The following AKAP10 variants were observed in gnomAD, a reference collection of about 807,000 sequenced individuals.
The protein encoded by AKAP10 is A-kinase anchoring protein 10, also known as A-kinase anchor protein 10, mitochondrial.
In AKAP10, 24 loss-of-function variants were observed where a neutral mutation model predicts 80.8. The ratio of observed to expected loss-of-function variants is 0.30; its 90% CI spans 0.22 to 0.42. The LOEUF (loss-of-function observed/expected upper bound fraction) is 0.42, where lower values mean the gene tolerates loss of function less well. AKAP10 is among the 10% of genes least tolerant of loss of function. The pLI, the probability that AKAP10 is intolerant of heterozygous loss-of-function variation, is 1.00. For synonymous variants in AKAP10, 291 were observed against 277.7 expected, an observed-to-expected ratio of 1.05 and a Z score of -0.48; for missense variants, 661 against 794.9, an observed-to-expected ratio of 0.83 and a Z score of 2.03.
intron 4 of AKAP10, among the ~76,000 whole-genome samples, chr17:19,947,950 G>A (rs1307875224): frequency 6.9e-6 from 1 of 145,860 alleles, no homozygotes; most frequent in Non-Finnish European, 1.5e-5. Flanking sequence ...AGTTTATGGG[G>A]ACAATGCCTC....
intron 1 of AKAP10, among the ~76,000 whole-genome samples, chr17:19,974,104 A>G (rs1276572030): frequency 1.3e-5 from 2 of 152,298 alleles, no homozygotes; most frequent in East Asian, 1.9e-4. Flanking sequence ...AGGCAGGAGA[A>G]TCACTTGAAC....
rs149010598 is a variant in AKAP10 at position 19,974,451 on chromosome 17, G to A, written c.88+3141C>T. Reference sequence around the variant, plus strand: ...TTAGCGTTAGTGTACTCTATGTGTGGCTCAAGACAATTCTTCTTCCAATGT... The same window carrying A: ...TTAGCGTTAGTGTACTCTATGTGTGACTCAAGACAATTCTTCTTCCAATGT... On this transcript the variant is annotated intron_variant, in intron 1 of 14. Transcript: ENST00000225737. Among the ~76,000 whole-genome samples, 49 of 152,086 alleles carry A rather than the reference G, an allele frequency of 3.2e-4. 1 individual carries two copies. The highest frequency in any genetic ancestry group is 1.2e-3 in the African/African-American group (48 of 41,490).
intron 1 of AKAP10, among the ~76,000 whole-genome samples, chr17:19,973,989 G>C (rs1597537522): frequency 6.6e-6 from 1 of 152,162 alleles, no homozygotes; most frequent in East Asian, 1.9e-4. Context: ...GATCACCTGA[G>C]GTCAGGAGTA....
chr17:19,905,993 A>C lies in AKAP10; in HGVS notation c.*234T>G. 1.9e-6 allele frequency: 1 copy of C among 533,288 alleles called. No homozygotes were observed. Among genetic ancestry groups the C allele is most frequent in the Non-Finnish European group, 3.4e-6 (1 of 296,898 alleles). The allele number at this position is 533,288 out of a possible 1,614,324, so 33.0% of individuals were successfully genotyped here. A position where few individuals can be genotyped will look rare whatever the true frequency, so the allele number is the denominator to read the frequency against. ...TAATAATTTTCTAGTAATGTAAACA[A>C]TACCATTTTGTATCTTTAAGACTCT... On this transcript the variant is annotated 3_prime_UTR_variant, in exon 15 of 15. Coordinates refer to ENST00000225737, the MANE Select transcript of AKAP10 (RefSeq NM_007202.4).
At chr17:19,941,968 C>A in intron 5 of AKAP10, 58 bp from the exon 6 acceptor site, 1 of 1,494,660 alleles carries the variant, frequency 6.7e-7, no homozygotes. Context: ...TGTATACACA[C>A]TTGTGAATCA....
chr17:19,934,095 A>G (rs1038335656), intron 9 of AKAP10, among the ~76,000 whole-genome samples: 7 of 151,878 alleles, frequency 4.6e-5, no homozygotes, highest in African/African-American at 1.7e-4. Context: ...CTAATTTTGT[A>G]TTTTTAGTAG....
chr17:19,946,237 TTATATATATATATATA>T (rs1171891537), intron 5 of AKAP10, among the ~76,000 whole-genome samples: 2 of 15,176 alleles, frequency 1.3e-4, no homozygotes, highest in South Asian at 4.7e-3. Flanking sequence ...TATATATATA[TTATATATATATATATA>T]TATATATATA....
At chr17:19,932,793 T>A (rs1271531785) in intron 9 of AKAP10, among the ~76,000 whole-genome samples, 1 of 152,110 alleles carries the variant, frequency 6.6e-6, no homozygotes, top group Middle Eastern at 3.4e-3. Context: ...GTTTCCACAT[T>A]GTTTTTTTTT....
chr17:19,964,512 T>C (rs780719577), intron 2 of AKAP10, among the ~76,000 whole-genome samples: 1 of 152,200 alleles, frequency 6.6e-6, no homozygotes, highest in Admixed American at 6.5e-5. Flanking sequence ...AGAAAGCATA[T>C]TTACTCTCAA....
chr17:19,957,184 C>T (rs2043287085), intron 4 of AKAP10, among the ~76,000 whole-genome samples: 1 of 152,108 alleles, frequency 6.6e-6, no homozygotes, highest in Non-Finnish European at 1.5e-5. Context: ...TCTAGGTCCA[C>T]ATTTACTGTA....
In AKAP10 at chr17:19,930,869, A is replaced by C. The variant is rs143231629; in HGVS notation, c.1641+936T>G. ...GGGATTACAGGCATGAGCCACCATA[A>C]CCAGCTAATTTTTGTATTTTTAGTA... On this transcript the variant is annotated intron_variant, in intron 10 of 14. Coordinates refer to ENST00000225737, the MANE Select transcript of AKAP10 (RefSeq NM_007202.4). Among the ~76,000 whole-genome samples, 406 of 151,916 alleles carry C rather than the reference A, an allele frequency of 2.7e-3. 15 individuals are homozygous for C. In the East Asian group the frequency reaches 0.075, roughly 28 times the overall value.
chr17:19,951,530 C>CTT (rs2043213869), intron 4 of AKAP10, among the ~76,000 whole-genome samples: 1 of 152,206 alleles, frequency 6.6e-6, no homozygotes, highest in Non-Finnish European at 1.5e-5. Flanking sequence ...ACATGGGAGA[C>CTT]TCCATTTTGT....
intron 5 of AKAP10, among the ~76,000 whole-genome samples, chr17:19,946,256 T>TATATA (rs1567765771): frequency 8.5e-5 from 2 of 23,640 alleles, no homozygotes; most frequent in East Asian, 2.2e-3. Flanking sequence ...TATATATATA[T>TATATA]ATATATATAT....
chr17:19,965,079 T>A (rs114886372), intron 2 of AKAP10, among the ~76,000 whole-genome samples: 118 of 152,354 alleles, frequency 7.7e-4, no homozygotes, highest in African/African-American at 2.7e-3. Context: ...TATCACTGAT[T>A]ACTCGCTACT....
At chr17:19,943,700 G>A (rs2043073458) in intron 5 of AKAP10, among the ~76,000 whole-genome samples, 1 of 152,210 alleles carries the variant, frequency 6.6e-6, no homozygotes, top group Non-Finnish European at 1.5e-5. Context: ...CCAAGGAGGG[G>A]ACTGTGGGAA....
chr17:19,934,811 G>C (rs190462594), intron 9 of AKAP10, among the ~76,000 whole-genome samples: 6 of 152,264 alleles, frequency 3.9e-5, no homozygotes, highest in Non-Finnish European at 5.9e-5. Flanking sequence ...TCAGGAGTTC[G>C]AGAACAGCCT....
chr17:19,932,715 T>A (rs2042949467), intron 9 of AKAP10, among the ~76,000 whole-genome samples: 1 of 152,100 alleles, frequency 6.6e-6, no homozygotes, highest in Non-Finnish European at 1.5e-5. Flanking sequence ...AACTTTAATA[T>A]ATATGGTCAC....
intron 3 of AKAP10, 24 bp from the exon 4 acceptor site, chr17:19,958,595 T>C: frequency 1.3e-6 from 2 of 1,560,820 alleles, no homozygotes; most frequent in Non-Finnish European, 1.7e-6. Context: ...GCAAAAGAAT[T>C]AGCAGTTCAG....
chr17:19,924,421 G>A lies in AKAP10; in HGVS notation c.1738C>T (p.Arg580Trp), dbSNP rs1224203942. The A allele has an allele frequency of 1.3e-6, 2 of 1,598,056 alleles. No individual in the cohort carries two copies. The highest frequency in any genetic ancestry group is 1.1e-5 in the South Asian group (1 of 88,168). ...AGCTAAGCTTACCCGGCATATGTCC[G>A]TTGATATAAAGATTCTGGATCCAGA... ...ASLDPESLYQ[R>W]TYAGKMTFGR... Residue 580 changes from arginine to tryptophan, a missense_variant, in exon 11 of 15, where the codon CGG becomes TGG. Transcript: ENST00000225737.
Sources: gnomAD v4.1 joint callset for allele counts (sites outside exome capture counted in the v4.1 genomes callset) on GRCh38, gnomAD v4.1.1 for gene constraint, MANE v1.5 for transcripts, NCBI Gene and HGNC (gene_info 2026-07-23, HGNC 2026-07-21) for gene names.